AUTS2: variants seen among roughly 807,000 people sequenced by gnomAD.
The protein encoded by AUTS2 is activator of transcription and developmental regulator AUTS2.
AUTS2 carries 17 observed loss-of-function variants against 112.4 expected under a neutral mutation model. The observed-to-expected ratio is 0.15, with a 90% confidence interval of 0.10 to 0.23. The LOEUF (loss-of-function observed/expected upper bound fraction) is 0.23, where lower values mean the gene tolerates loss of function less well. Ranked by LOEUF, AUTS2 falls within the 10% of genes least tolerant of loss-of-function variation. The probability of loss-of-function intolerance (pLI) is 1.00; values close to 1 mark genes in which losing one functional copy is unlikely to be tolerated. For missense variants in AUTS2, 1,510 were observed against 1,701.6 expected, an observed-to-expected ratio of 0.89 and a Z score of 1.98; for synonymous variants, 751 against 702.7, an observed-to-expected ratio of 1.07 and a Z score of -1.09.
rs141956249 is a variant in AUTS2 at position 70,057,074 on chromosome 7, G to A, written c.523-61058G>A. On this transcript the variant is annotated intron_variant, in intron 2 of 18. Coordinates refer to ENST00000342771, the MANE Select transcript of AUTS2 (RefSeq NM_015570.4). ...GGATTTTTTTCCAGCCAGGTCTCAG[G>A]GGCCATGTTTTTAAAGTCTGCTGCT... 1.5e-3 allele frequency among the ~76,000 whole-genome samples: 230 copies of A among 152,180 alleles called. 1 individual carries two copies. Among genetic ancestry groups the A allele is most frequent in the African/African-American group, 4.6e-3 (193 of 41,522 alleles).
intron 6 of AUTS2, among the ~76,000 whole-genome samples, chr7:70,756,306 A>G (rs1186624285): frequency 6.6e-6 from 1 of 152,202 alleles, no homozygotes; most frequent in Non-Finnish European, 1.5e-5. Context: ...AGCACTTTAC[A>G]TGGCCTAATT....
intron 4 of AUTS2, among the ~76,000 whole-genome samples, chr7:70,161,655 A>G (rs962271242): frequency 6.6e-5 from 10 of 151,188 alleles, no homozygotes; most frequent in Non-Finnish European, 1.3e-4. Flanking sequence ...GAAAGGTCTT[A>G]TCATTGGCAT....
chr7:70,154,374 A>G (rs977550158), intron 4 of AUTS2, among the ~76,000 whole-genome samples: 1 of 152,182 alleles, frequency 6.6e-6, no homozygotes, highest in Non-Finnish European at 1.5e-5. Flanking sequence ...GGTTGACCAG[A>G]TCTAATAAGC....
chr7:69,838,432 GT>G (rs538757027), intron 1 of AUTS2, among the ~76,000 whole-genome samples: 276 of 152,236 alleles, frequency 1.8e-3, no homozygotes, highest in Non-Finnish European at 3.0e-3. Flanking sequence ...TATTATCCCT[GT>G]TTTACAAGTG....
At chr7:70,439,279 C>T (rs1230610662) in intron 5 of AUTS2, among the ~76,000 whole-genome samples, 2 of 152,138 alleles carry the variant, frequency 1.3e-5, no homozygotes, top group Non-Finnish European at 2.9e-5. Flanking sequence ...GTGGCTGATG[C>T]CTGTAATCCC....
chr7:70,480,227 T>A (rs908984907), intron 5 of AUTS2, among the ~76,000 whole-genome samples: 5 of 152,370 alleles, frequency 3.3e-5, no homozygotes, highest in African/African-American at 7.2e-5. Context: ...TGTGTGCACA[T>A]GCACTTAGGA....
In AUTS2 at chr7:69,639,807, G is replaced by A. The variant is rs537406692; in HGVS notation, c.309+39845G>A. ...ATGATAGGACTCTTTTAAGAAAGCAGTGAAAAAGCAGTAAGGAGACTGTTA... is the reference window on the plus strand; with the variant it reads ...ATGATAGGACTCTTTTAAGAAAGCAATGAAAAAGCAGTAAGGAGACTGTTA... On this transcript the variant is annotated intron_variant, in intron 1 of 18. Coordinates refer to ENST00000342771, the MANE Select transcript of AUTS2 (RefSeq NM_015570.4). Among the ~76,000 whole-genome samples, 10 of 152,346 alleles carry A rather than the reference G, an allele frequency of 6.6e-5. No individual in the cohort carries two copies. The South Asian group carries it at 1.9e-3, about 28-fold the overall frequency.
chr7:69,751,099 A>G (rs1787720417), intron 1 of AUTS2, among the ~76,000 whole-genome samples: 1 of 152,184 alleles, frequency 6.6e-6, no homozygotes, highest in African/African-American at 2.4e-5. Flanking sequence ...TTGCAAGTCC[A>G]CAAGAAACTT....
At chr7:70,250,036 A>C (rs1450489074) in intron 4 of AUTS2, among the ~76,000 whole-genome samples, 2 of 151,724 alleles carry the variant, frequency 1.3e-5, no homozygotes, top group Non-Finnish European at 2.9e-5. Context: ...AAAACATTTA[A>C]TATTAAGTAA....
chr7:70,334,827 G>A (rs1790916579), intron 4 of AUTS2, among the ~76,000 whole-genome samples: 4 of 152,142 alleles, frequency 2.6e-5, no homozygotes, highest in Non-Finnish European at 5.9e-5. Context: ...ACATAAAATT[G>A]AGAGGTGAGC....
chr7:70,271,684 C>G (rs1352467744), intron 4 of AUTS2, among the ~76,000 whole-genome samples: 2 of 152,194 alleles, frequency 1.3e-5, no homozygotes, highest in South Asian at 2.1e-4. Flanking sequence ...GTTGCCCAAT[C>G]TTTCATCAAA....
At chr7:69,960,822 A>G (rs1797400035) in intron 2 of AUTS2, among the ~76,000 whole-genome samples, 1 of 152,032 alleles carries the variant, frequency 6.6e-6, no homozygotes, top group South Asian at 2.1e-4. Flanking sequence ...TTTTCATCAG[A>G]AGTTGTTCTT....
At chr7:70,349,199 C>T (rs1010297394) in intron 4 of AUTS2, among the ~76,000 whole-genome samples, 1 of 152,154 alleles carries the variant, frequency 6.6e-6, no homozygotes, top group Admixed American at 6.5e-5. Flanking sequence ...CCTCTGCTCA[C>T]AGACACTCCT....
chr7:69,734,338 T>C (rs913053283), intron 1 of AUTS2, among the ~76,000 whole-genome samples: 2 of 150,668 alleles, frequency 1.3e-5, no homozygotes, highest in African/African-American at 4.9e-5. Context: ...TAACTCTTTG[T>C]TCCTCTTTAG....
chr7:69,774,016 G>A (rs758167351), intron 1 of AUTS2, among the ~76,000 whole-genome samples: 30 of 152,328 alleles, frequency 2.0e-4, no homozygotes, highest in Admixed American at 7.8e-4. Flanking sequence ...ATGTGACCCA[G>A]TGCCCTGCTT....
At position 70,322,204 on chromosome 7, in the gene AUTS2, A is replaced by G. The variant is rs1295616416; in HGVS notation, c.661-113548A>G. On this transcript the variant is annotated intron_variant, in intron 4 of 18. Coordinates refer to ENST00000342771, the MANE Select transcript of AUTS2 (RefSeq NM_015570.4). Reference sequence around the variant, plus strand: ...AAAAATAAAATTCTTTATAGGCATAATTTTTATAAATTAAAATACATTATA... The same window carrying G: ...AAAAATAAAATTCTTTATAGGCATAGTTTTTATAAATTAAAATACATTATA... 2.0e-5 allele frequency among the ~76,000 whole-genome samples: 3 copies of G among 152,290 alleles called. No individual in the cohort carries two copies. In the South Asian group the frequency reaches 6.2e-4, roughly 32 times the overall value.
intron 5 of AUTS2, among the ~76,000 whole-genome samples, chr7:70,651,268 G>A (rs1355890873): frequency 2.0e-5 from 3 of 152,152 alleles, no homozygotes; most frequent in African/African-American, 7.2e-5. Context: ...GGTAAAGCTG[G>A]ACCCAGGTAA....
intron 1 of AUTS2, among the ~76,000 whole-genome samples, chr7:69,736,361 T>A (rs1474088606): frequency 6.6e-6 from 1 of 152,220 alleles, no homozygotes; most frequent in African/African-American, 2.4e-5. Context: ...TTGGCTGATT[T>A]GCTTTGACTT....
chr7:69,959,444 T>C (rs891864988), intron 2 of AUTS2, among the ~76,000 whole-genome samples: 3 of 152,118 alleles, frequency 2.0e-5, no homozygotes, highest in Non-Finnish European at 2.9e-5. Context: ...TCTGGACAAT[T>C]TCAATATCTA....
Sources: gnomAD v4.1 joint callset for allele counts (sites outside exome capture counted in the v4.1 genomes callset) on GRCh38, gnomAD v4.1.1 for gene constraint, MANE v1.5 for transcripts, NCBI Gene and HGNC (gene_info 2026-07-23, HGNC 2026-07-21) for gene names.